LRRC31: variants seen among roughly 807,000 people sequenced by gnomAD.
LRRC31 encodes the protein leucine rich repeat containing 31, also known as leucine-rich repeat-containing protein 31.
Under a neutral mutation model 46.7 loss-of-function variants are expected in LRRC31, and 35 were observed. That is an observed-to-expected ratio of 0.75 (90% confidence interval 0.57 to 0.99). The LOEUF (loss-of-function observed/expected upper bound fraction) is 0.99, where lower values mean the gene tolerates loss of function less well. LRRC31 is among the 50% of genes least tolerant of loss of function. LRRC31 has a pLI of 0.00. For missense variants in LRRC31, 613 were observed against 626.1 expected (o/e 0.98, Z 0.22); for synonymous variants, 236 against 235.1 (o/e 1.00, Z -0.03).
intron 2 of LRRC31, among the ~76,000 whole-genome samples, chr3:169,861,035 CTT>C (rs1028116427): frequency 6.6e-6 from 1 of 150,752 alleles, no homozygotes; most frequent in Non-Finnish European, 1.5e-5. Flanking sequence ...GTCTTCAAAA[CTT>C]GAGGAAGGAT....
chr3:169,861,374 T>TAAAAA (rs756902027), intron 2 of LRRC31, among the ~76,000 whole-genome samples: 1 of 134,182 alleles, frequency 7.5e-6, no homozygotes, highest in Non-Finnish European at 1.6e-5. Flanking sequence ...GCCTTTTTCT[T>TAAAAA]AAAAAAAAAA....
chr3:169,847,140 T>C (rs890354449), intron 8 of LRRC31, among the ~76,000 whole-genome samples: 1 of 152,166 alleles, frequency 6.6e-6, no homozygotes, highest in Non-Finnish European at 1.5e-5. Flanking sequence ...TCTGATTCAT[T>C]GTTTTATAAT....
chr3:169,840,356 T>A, intron 8 of LRRC31, 43 bp from the exon 9 acceptor site: 1 of 1,587,488 alleles, frequency 6.3e-7, no homozygotes, highest in Non-Finnish European at 8.6e-7. Context: ...ACAAGAATAC[T>A]GTCTGCCATG....
intron 3 of LRRC31, among the ~76,000 whole-genome samples, chr3:169,857,318 C>CTATATATATATATATATATATA (rs34162537): frequency 1.1e-4 from 7 of 66,438 alleles, no homozygotes; most frequent in Admixed American, 1.9e-4. Context: ...TATCACATGC[C>CTATATATATATATATATATATA]TATATATATA....
chr3:169,853,146 C>T (rs1173630655), intron 6 of LRRC31: 40 of 887,316 alleles, frequency 4.5e-5, no homozygotes, highest in Non-Finnish European at 5.4e-5. Flanking sequence ...CTTGCCATAC[C>T]GAAGCTCCCT....
Position 169,854,833 on chromosome 3 carries a change from G to T in LRRC31, c.971C>A (p.Ala324Glu), listed in dbSNP as rs3732452. The change falls in exon 6 of 9, where the codon GCA becomes GAA. Residue 324 changes from alanine to glutamate, a missense_variant. By Grantham distance (107) the Ala-to-Glu change is moderately radical. Coordinates refer to ENST00000316428, the MANE Select transcript of LRRC31 (RefSeq NM_024727.4). ...VLDLHQCSLT[A>E]DDVMSLTQVI... ...CTTACTCAGTGACATCACGTCATCT[G>T]CTGTTAGTGAGCACTGGTGAAGATC... 7,482 of 1,612,978 alleles carry T rather than the reference G, an allele frequency of 4.6e-3. 213 individuals carry two copies. In the East Asian group the frequency reaches 0.076, roughly 16 times the overall value.
chr3:169,863,215 A>T (rs1329890560), intron 1 of LRRC31, among the ~76,000 whole-genome samples: 1 of 152,174 alleles, frequency 6.6e-6, no homozygotes, highest in African/African-American at 2.4e-5. Context: ...CATAAAACAC[A>T]TCATACTTTT....
chr3:169,862,534 G>A (rs1008535946), intron 1 of LRRC31, among the ~76,000 whole-genome samples: 6 of 151,174 alleles, frequency 4.0e-5, no homozygotes, highest in East Asian at 2.0e-4. Flanking sequence ...AGGCTGAGGC[G>A]GGTGGATCAT....
intron 1 of LRRC31, among the ~76,000 whole-genome samples, chr3:169,866,878 C>T (rs1781346807): frequency 6.6e-6 from 1 of 152,030 alleles, no homozygotes; most frequent in Non-Finnish European, 1.5e-5. Flanking sequence ...AAGAGAATCA[C>T]TTGAACCTGG....
rs532277634 is a variant in LRRC31, at chr3:169,854,826, G to A, written c.978C>T (p.Asp326=). 24 of 1,611,956 alleles carry A rather than the reference G, an allele frequency of 1.5e-5. No individual in the cohort carries two copies. Among genetic ancestry groups the A allele is most frequent in the Middle Eastern group, 3.3e-4 (2 of 6,046 alleles). Residue 326 remains aspartate (D), a synonymous_variant, in exon 6 of 9, where the codon GAC becomes GAT. Coordinates refer to ENST00000316428, the MANE Select transcript of LRRC31 (RefSeq NM_024727.4). The part of the protein sequence containing the change: ...DLHQCSLTAD[D]VMSLTQVIPL... ...ATATATACTTACTCAGTGACATCAC[G>A]TCATCTGCTGTTAGTGAGCACTGGT...
Position 169,840,216 on chromosome 3 carries a change from T to C in LRRC31, c.1425A>G (p.Gln475=). The C allele has an allele frequency of 6.2e-7, 1 of 1,614,164 alleles. No homozygotes were observed. Among genetic ancestry groups the C allele is most frequent in the Non-Finnish European group, 8.5e-7 (1 of 1,180,028 alleles). ...TTAGCTCTTTGAGGAACCGCACGTTTTGGCAGAACATGGTCCACCCCGCAT... is the reference window on the plus strand; with the variant it reads ...TTAGCTCTTTGAGGAACCGCACGTTCTGGCAGAACATGGTCCACCCCGCAT... ...ICDAGWTMFC[Q]NVRFLKELIE... The change falls in exon 9 of 9, where the codon CAA becomes CAG. Residue 475 remains glutamine, a synonymous_variant. Transcript: ENST00000316428.
chr3:169,848,121 C>T lies in LRRC31; in HGVS notation c.1326G>A (p.Leu442=). The T allele has an allele frequency of 6.2e-7, 1 of 1,612,286 alleles. No individual in the cohort carries two copies. The highest frequency in any genetic ancestry group is 1.1e-5 in the South Asian group (1 of 90,896). The change falls in exon 8 of 9, where the codon CTG becomes CTA. Residue 442 remains leucine, a splice_region_variant and synonymous_variant. Transcript: ENST00000316428. Reference sequence around the variant, plus strand: ...GCTTGGGAACAAGTAGATACACACCCAGGAGAGCCACATCCTCTGTCACCA... The same window carrying T: ...GCTTGGGAACAAGTAGATACACACCTAGGAGAGCCACATCCTCTGTCACCA... ...CSLVTEDVAL[L]ASVIQTGHLA...
At position 169,856,890 on chromosome 3, in the gene LRRC31, G is replaced by GA. The variant is rs771681101; in HGVS notation, c.488-19dup. 24 of 1,590,030 alleles carry GA rather than the reference G, an allele frequency of 1.5e-5. No homozygotes were observed. In the Middle Eastern group the frequency reaches 6.8e-4, roughly 45 times the overall value. On this transcript the variant is annotated intron_variant, in intron 3 of 8. Coordinates refer to ENST00000316428, the MANE Select transcript of LRRC31 (RefSeq NM_024727.4). Reference sequence around the variant, plus strand: ...TGCTTCTCCTGTTAACAAATGGCCCGAAAATTCTGTTGGTCACTAGTCAGA... The same window carrying GA: ...TGCTTCTCCTGTTAACAAATGGCCCGAAAAATTCTGTTGGTCACTAGTCAGA...
At chr3:169,851,894 C>G in intron 6 of LRRC31, 108 bp from the exon 7 acceptor site, 1 of 1,078,678 alleles carries the variant, frequency 9.3e-7, no homozygotes. Context: ...ACAGCTCTCC[C>G]CACCCCGGCC....
At chr3:169,860,318 C>T (rs1434144254) in intron 3 of LRRC31, among the ~76,000 whole-genome samples, 1 of 151,288 alleles carries the variant, frequency 6.6e-6, no homozygotes, top group Non-Finnish European at 1.5e-5. Context: ...ACTTCCGCCT[C>T]CCAGGTTCAA....
At position 169,851,774 on chromosome 3, in the gene LRRC31, G is replaced by A. The variant is rs374738133; in HGVS notation, c.1004C>T (p.Pro335Leu). 122 of 1,613,964 alleles carry A rather than the reference G, an allele frequency of 7.6e-5. No individual in the cohort carries two copies. The highest frequency in any genetic ancestry group is 1.0e-4 in the Non-Finnish European group (118 of 1,180,004). The change falls in exon 7 of 9, where the codon CCT becomes CTT. Residue 335 changes from proline (P) to leucine (L), a missense_variant. Coordinates refer to ENST00000316428, the MANE Select transcript of LRRC31 (RefSeq NM_024727.4). Reference protein sequence around the residue: ...DDVMSLTQVIPLLSNLQELDL... With the variant: ...DDVMSLTQVILLLSNLQELDL... ...CAATTCTTGAAGATTTGAAAGTAAA[G>A]GAATGACCTGGGCTGTTAAAAATAT... is the stretch of plus-strand genomic sequence containing the variant.
At chr3:169,866,293 G>A (rs1356439720) in intron 1 of LRRC31, among the ~76,000 whole-genome samples, 1 of 152,120 alleles carries the variant, frequency 6.6e-6, no homozygotes, top group African/African-American at 2.4e-5. Context: ...GAACCAGGTG[G>A]GAGAGCTATT....
chr3:169,844,281 C>T (rs1260864181), intron 8 of LRRC31, among the ~76,000 whole-genome samples: 1 of 152,106 alleles, frequency 6.6e-6, no homozygotes, highest in Non-Finnish European at 1.5e-5. Context: ...GCTGATTTAA[C>T]ATTAAAAAAT....
Position 169,861,786 on chromosome 3 carries a change from C to T in LRRC31, c.203G>A (p.Trp68Ter). Residue 68 changes from tryptophan to a stop codon, truncating the protein, a stop_gained, in exon 2 of 9, where the codon TGG becomes TAG. Transcript: ENST00000316428. LOFTEE classifies it high-confidence loss of function. ...TAKPLSSEMEWRSSMEKNEHF... is the reference protein window; with the variant it reads ...TAKPLSSEME ...CTCATTTTTCTCCATACTGGATCTC[C>T]ATTCCATTTCTGAACTGAGAGGCTT... is the stretch of plus-strand genomic sequence containing the variant. 6.2e-7 allele frequency: 1 copy of T among 1,614,080 alleles called. No individual in the cohort carries two copies. Among genetic ancestry groups the T allele is most frequent in the Non-Finnish European group, 8.5e-7 (1 of 1,179,990 alleles).
Sources: allele counts gnomAD v4.1 joint callset (sites outside exome capture counted in the v4.1 genomes callset), GRCh38; gene constraint gnomAD v4.1.1; transcripts MANE v1.5; gene names NCBI Gene and HGNC (gene_info 2026-07-23, HGNC 2026-07-21).